Variants in SLC39A11 observed in about 807,000 individuals in gnomAD.
The protein encoded by SLC39A11 is zinc transporter ZIP11.
Under a neutral mutation model 36.1 loss-of-function variants are expected in SLC39A11, and 33 were observed. The observed-to-expected ratio is 0.91, with a 90% confidence interval of 0.69 to 1.22. The LOEUF (loss-of-function observed/expected upper bound fraction) is 1.22, where lower values mean the gene tolerates loss of function less well. SLC39A11 is among the 50% of genes most tolerant of loss of function. SLC39A11 has a pLI of 0.00. For missense variants in SLC39A11, 432 were observed against 430.3 expected, an observed-to-expected ratio of 1.00 and a Z score of -0.03; for synonymous variants, 166 against 170.3, an observed-to-expected ratio of 0.97 and a Z score of 0.20.
At chr17:72,867,326 C>A (rs993395184) in intron 5 of SLC39A11, among the ~76,000 whole-genome samples, 4 of 152,014 alleles carry the variant, frequency 2.6e-5, no homozygotes, top group African/African-American at 9.7e-5. Context: ...ATGGTGAAAC[C>A]CCGTCTCTAA....
intron 6 of SLC39A11, among the ~76,000 whole-genome samples, chr17:72,771,143 G>A (rs746662729): frequency 3.3e-5 from 5 of 151,522 alleles, no homozygotes; most frequent in Non-Finnish European, 5.9e-5. Flanking sequence ...CTAGCACTTT[G>A]AGAGGCTGAG....
intron 5 of SLC39A11, among the ~76,000 whole-genome samples, chr17:72,908,263 GC>G (rs1567929979): frequency 6.6e-6 from 1 of 152,208 alleles, no homozygotes; most frequent in Non-Finnish European, 1.5e-5. Flanking sequence ...ATGGGTTGAG[GC>G]TGGGGGCCTC....
At chr17:73,047,257 C>G (rs2059328731) in intron 3 of SLC39A11, among the ~76,000 whole-genome samples, 1 of 151,934 alleles carries the variant, frequency 6.6e-6, no homozygotes, top group Non-Finnish European at 1.5e-5. Flanking sequence ...ATCTCCTGAC[C>G]TCGTGATCCG....
chr17:72,997,504 C>T (rs1437899687), intron 4 of SLC39A11, among the ~76,000 whole-genome samples: 4 of 152,200 alleles, frequency 2.6e-5, no homozygotes, highest in South Asian at 4.1e-4. Flanking sequence ...CCTCCTGCCT[C>T]GGCCTCCCAA....
At chr17:73,033,588 A>C (rs2058809174) in intron 3 of SLC39A11, among the ~76,000 whole-genome samples, 1 of 152,088 alleles carries the variant, frequency 6.6e-6, no homozygotes, top group Admixed American at 6.6e-5. Flanking sequence ...TAAAAATAAG[A>C]AGCTCTCCAG....
chr17:73,091,794 C>T (rs1242910991), intron 1 of SLC39A11: 1 of 152,262 alleles, frequency 6.6e-6, no homozygotes, highest in African/African-American at 2.4e-5. Context: ...CAACTTTTAA[C>T]ATGCCAACAG....
At chr17:72,787,913 G>A (rs771033997) in intron 6 of SLC39A11, among the ~76,000 whole-genome samples, 1 of 152,054 alleles carries the variant, frequency 6.6e-6, no homozygotes, top group Non-Finnish European at 1.5e-5. Context: ...TCATAGCACC[G>A]TGGCCCTCTC....
chr17:72,900,615 T>G, intron 5 of SLC39A11, among the ~76,000 whole-genome samples: 1 of 149,218 alleles, frequency 6.7e-6, no homozygotes, highest in East Asian at 2.1e-4. Context: ...GTGGAGACCT[T>G]ACTGCAAGAG....
chr17:72,904,271 T>C lies in SLC39A11; in HGVS notation c.430+43481A>G, dbSNP rs533624936. ...GCCTGGACAACACAGTGAGACTCTA[T>C]CTCTAAAAAAACAAAAAGAGGTGAG... On this transcript the variant is annotated intron_variant, in intron 5 of 9. Transcript: ENST00000255559. 1.4e-4 allele frequency among the ~76,000 whole-genome samples: 21 copies of C among 152,034 alleles called. 1 individual carries two copies. The South Asian group carries it at 4.4e-3, about 32-fold the overall frequency.
intron 5 of SLC39A11, among the ~76,000 whole-genome samples, chr17:72,900,158 AAAG>A (rs2082290411): frequency 3.4e-5 from 1 of 29,496 alleles, no homozygotes. Flanking sequence ...GAAAGAAAAG[AAAG>A]AAAGAAAGAA....
At chr17:72,769,425 A>G (rs779909862) in intron 6 of SLC39A11, among the ~76,000 whole-genome samples, 70 of 152,224 alleles carry the variant, frequency 4.6e-4, no homozygotes, top group Non-Finnish European at 8.5e-4. Flanking sequence ...TTGTGAAAGG[A>G]AACGGATCTT....
At chr17:72,830,106 C>A (rs1031028692) in intron 6 of SLC39A11, among the ~76,000 whole-genome samples, 9 of 152,210 alleles carry the variant, frequency 5.9e-5, no homozygotes, top group African/African-American at 2.2e-4. Flanking sequence ...TGCACACATG[C>A]ATACACATGT....
intron 6 of SLC39A11, among the ~76,000 whole-genome samples, chr17:72,792,972 C>G (rs1568101682): frequency 6.6e-6 from 1 of 152,168 alleles, no homozygotes. Context: ...AGGATGCTCC[C>G]TACTGCCGGC....
At chr17:72,697,554 C>T (rs1319105830) in intron 7 of SLC39A11, among the ~76,000 whole-genome samples, 1 of 152,142 alleles carries the variant, frequency 6.6e-6, no homozygotes, top group Non-Finnish European at 1.5e-5. Context: ...CACACCATCT[C>T]AACGAAGCCC....
chr17:72,813,102 G>A (rs2077482062), intron 6 of SLC39A11, among the ~76,000 whole-genome samples: 3 of 152,142 alleles, frequency 2.0e-5, no homozygotes, highest in Non-Finnish European at 4.4e-5. Context: ...CATAGCTCCC[G>A]TCTATTATTG....
At chr17:73,009,055 C>T (rs7225039) in intron 4 of SLC39A11, among the ~76,000 whole-genome samples, 16,368 of 106,686 alleles carry the variant, frequency 0.15, 3,213 homozygotes, top group African/African-American at 0.45. Context: ...GAGAGACCTG[C>T]CTCAAAAAAA....
intron 7 of SLC39A11, among the ~76,000 whole-genome samples, chr17:72,661,928 G>GT (rs150847635): frequency 3.0e-4 from 46 of 152,318 alleles, no homozygotes; most frequent in Non-Finnish European, 6.2e-4. Flanking sequence ...CTGCAGAAGT[G>GT]TAGACAAACC....
intron 3 of SLC39A11, among the ~76,000 whole-genome samples, chr17:73,039,651 C>T (rs1386919099): frequency 6.6e-6 from 1 of 152,164 alleles, no homozygotes; most frequent in African/African-American, 2.4e-5. Context: ...TCTGTCCTTT[C>T]ACAAACATGG....
intron 4 of SLC39A11, among the ~76,000 whole-genome samples, chr17:72,988,049 T>C (rs1487082279): frequency 1.3e-5 from 2 of 152,226 alleles, no homozygotes; most frequent in Non-Finnish European, 2.9e-5. Context: ...TGAGATGTTT[T>C]GACACAGCCA....
Sources: allele counts gnomAD v4.1 joint callset (sites outside exome capture counted in the v4.1 genomes callset), GRCh38; gene constraint gnomAD v4.1.1; transcripts MANE v1.5; gene names NCBI Gene and HGNC (gene_info 2026-07-23, HGNC 2026-07-21).